GSDMA: variants seen among roughly 807,000 people sequenced by gnomAD.
The protein encoded by GSDMA is gasdermin A.
A neutral mutation model predicts 54.3 loss-of-function variants in GSDMA; 55 were observed. That is an observed-to-expected ratio of 1.01 (90% CI 0.82 to 1.27). GSDMA has a LOEUF of 1.27. Among genes scored for constraint, GSDMA ranks in the 50% most tolerant of loss-of-function variants. The pLI is 0.00. For missense variants in GSDMA, 542 were observed against 542.6 expected, an observed-to-expected ratio of 1.00 and a Z score of 0.01; for synonymous variants, 211 against 224.7, an observed-to-expected ratio of 0.94 and a Z score of 0.54.
intron 4 of GSDMA, 53 bp downstream of exon 4, chr17:39,970,700 CACACAT>C (rs1450830258): frequency 1.2e-5 from 16 of 1,337,280 alleles, no homozygotes; most frequent in Non-Finnish European, 1.5e-5. Context: ...CACTCACACT[CACACAT>C]ACACATTTAC....
At chr17:39,972,455 G>A (rs1367057479) in intron 6 of GSDMA, 132 bp from the exon 7 acceptor site, 1 of 828,250 alleles carries the variant, frequency 1.2e-6, no homozygotes, top group Non-Finnish European at 2.0e-6. Flanking sequence ...CCGAATCATG[G>A]GGGTGGATGA....
chr17:39,969,597 A>G (rs981512259), intron 3 of GSDMA, among the ~76,000 whole-genome samples: 2 of 152,180 alleles, frequency 1.3e-5, no homozygotes, highest in African/African-American at 4.8e-5. Flanking sequence ...CCACAGCAGG[A>G]TCGAGTATTG....
Position 39,977,132 on chromosome 17 carries a change from G to C in GSDMA, c.*74G>C. The C allele has an allele frequency of 6.5e-7, 1 of 1,534,746 alleles. No individual in the cohort carries two copies. On this transcript the variant is annotated 3_prime_UTR_variant, in exon 12 of 12. Transcript: ENST00000301659. ...GTGGTGCTGTGTCCTTACCACCTAA[G>C]GGCATTTCAGAGCCATCAGCTGAAG...
intron 3 of GSDMA, among the ~76,000 whole-genome samples, chr17:39,967,031 G>A (rs1370581110): frequency 6.6e-6 from 1 of 152,194 alleles, no homozygotes; most frequent in African/African-American, 2.4e-5. Context: ...CTTTTAAGTA[G>A]TTAAGTAGTG....
At chr17:39,974,584 G>A (rs745700464) in intron 9 of GSDMA, among the ~76,000 whole-genome samples, 157 bp downstream of exon 9, 23 of 152,268 alleles carry the variant, frequency 1.5e-4, no homozygotes, top group Admixed American at 2.6e-4. Context: ...GGCTGGCCAC[G>A]TGCCCCAAGG....
In GSDMA at chr17:39,975,010, A is replaced by G; in HGVS notation, c.1017A>G (p.Leu339=). 1.3e-6 allele frequency: 2 copies of G among 1,592,504 alleles called. No individual in the cohort carries two copies. The highest frequency in any genetic ancestry group is 1.7e-6 in the Non-Finnish European group (2 of 1,161,394). The part of the protein sequence containing the change: ...VGAILYFVGA[L]TELSEAQQKL... ...CCATCCTCTATTTCGTTGGAGCCCT[A>G]ACAGGTAAGTGGGGAATAAGGTCTT... Residue 339 remains leucine, a synonymous_variant, in exon 10 of 12, where the codon CTA becomes CTG. Coordinates refer to ENST00000301659, the MANE Select transcript of GSDMA (RefSeq NM_178171.5).
At chr17:39,973,125 C>T (rs1980036424) in intron 7 of GSDMA, among the ~76,000 whole-genome samples, 1 of 152,132 alleles carries the variant, frequency 6.6e-6, no homozygotes, top group African/African-American at 2.4e-5. Context: ...GCACCCGCCA[C>T]CATGCCCTGC....
At chr17:39,970,348 G>A in intron 3 of GSDMA, 134 bp from the exon 4 acceptor site, 1 of 744,226 alleles carries the variant, frequency 1.3e-6, no homozygotes. Flanking sequence ...TTCAACCTCA[G>A]CCCTAGTCCA....
Position 39,974,400 on chromosome 17 carries a change from A to G in GSDMA, c.879A>G (p.Lys293=). 1.3e-6 allele frequency: 2 copies of G among 1,589,902 alleles called. No individual in the cohort carries two copies. The highest frequency in any genetic ancestry group is 1.3e-5 in the African/African-American group (1 of 74,448). The change falls in exon 9 of 12, where the codon AAA becomes AAG. Residue 293 remains lysine, a synonymous_variant. Coordinates refer to ENST00000301659, the MANE Select transcript of GSDMA (RefSeq NM_178171.5). Reference sequence around the variant, plus strand: ...CCCTCAGCAAACTTCTAGGGAAGAAAAAGGAGCTACAAGACCTTGAGCTCG... The same window carrying G: ...CCCTCAGCAAACTTCTAGGGAAGAAGAAGGAGCTACAAGACCTTGAGCTCG... ...LSSLSKLLGK[K]KELQDLELAL...
Position 39,977,288 on chromosome 17 carries a change from T to C in GSDMA, c.*230T>C. 8.9e-6 allele frequency: 1 copy of C among 112,554 alleles called. No homozygotes were observed. Among genetic ancestry groups the C allele is most frequent in the Non-Finnish European group, 1.6e-5 (1 of 61,726 alleles). The allele number at this position is 112,554 out of a possible 1,614,324, so 7.0% of individuals were successfully genotyped here. On this transcript the variant is annotated 3_prime_UTR_variant, in exon 12 of 12. Coordinates refer to ENST00000301659, the MANE Select transcript of GSDMA (RefSeq NM_178171.5). ...GATGCTTAAATTTTCTTTACTTTTC[T>C]TTTCTTTTTTTTTTTTTTTTTGAGA...
intron 7 of GSDMA, among the ~76,000 whole-genome samples, 170 bp from the exon 8 acceptor site, chr17:39,973,640 A>G (rs893897989): frequency 6.6e-6 from 1 of 152,104 alleles, no homozygotes; most frequent in Non-Finnish European, 1.5e-5. Context: ...CCGCCCAGCA[A>G]CTGGGGCCAG....
At chr17:39,976,147 C>A in intron 11 of GSDMA, 150 bp downstream of exon 11, 1 of 551,780 alleles carries the variant, frequency 1.8e-6, no homozygotes, top group Non-Finnish European at 3.2e-6. Context: ...CTCTATTTCT[C>A]ATTTTTTGTT....
intron 3 of GSDMA, 71 bp downstream of exon 3, chr17:39,966,508 C>T: frequency 7.3e-7 from 1 of 1,370,772 alleles, no homozygotes; most frequent in Non-Finnish European, 1.0e-6. Context: ...TGCTTGGGGC[C>T]TTGAGCTGAA....
intron 5 of GSDMA, 48 bp from the exon 6 acceptor site, chr17:39,972,081 G>A (rs775123202): frequency 7.7e-7 from 1 of 1,303,676 alleles, no homozygotes; most frequent in South Asian, 1.3e-5. Context: ...AGGGAATGTG[G>A]GGCAGCTGCT....
chr17:39,972,300 C>T, intron 6 of GSDMA, 124 bp downstream of exon 6: 1 of 736,490 alleles, frequency 1.4e-6, no homozygotes, highest in Admixed American at 2.4e-5. Flanking sequence ...TTTTGTTTCC[C>T]AAGTCCCTAA....
intron 1 of GSDMA, among the ~76,000 whole-genome samples, chr17:39,964,984 C>T (rs1797071715): frequency 6.6e-6 from 1 of 151,704 alleles, no homozygotes; most frequent in South Asian, 2.1e-4. Context: ...AAAAATTAGC[C>T]AAGTGCATGA....
chr17:39,972,706 A>C, intron 7 of GSDMA, 93 bp downstream of exon 7: 1 of 1,095,530 alleles, frequency 9.1e-7, no homozygotes, highest in Non-Finnish European at 1.4e-6. Context: ...CTGACAGGGA[A>C]ATAGCAGAGC....
chr17:39,972,115 CTT>C lies in GSDMA; in HGVS notation c.656-13_656-12del. The C allele has an allele frequency of 6.8e-7, 1 of 1,461,888 alleles. No homozygotes were observed. The highest frequency in any genetic ancestry group is 9.5e-7 in the Non-Finnish European group (1 of 1,049,964). 90.6% of individuals were successfully genotyped at this position (1,461,888 alleles called of 1,614,324 possible). On this transcript the variant is annotated splice_polypyrimidine_tract_variant and intron_variant, in intron 5 of 11. Transcript: ENST00000301659. Reference sequence around the variant, plus strand: ...CTAAGTGTCCTCCCACCCTCCCTCCCTTGCCCTTCACAGATATTCCACATATC... The same window carrying C: ...CTAAGTGTCCTCCCACCCTCCCTCCCGCCCTTCACAGATATTCCACATATC...
In GSDMA at chr17:39,965,797, G is replaced by A; in HGVS notation, c.110G>A (p.Cys37Tyr). Residue 37 changes from cysteine (C) to tyrosine (Y), a missense_variant, in exon 2 of 12, where the codon TGC becomes TAC. By Grantham distance (194) the Cys-to-Tyr change is radical (BLOSUM62 -2). Transcript: ENST00000301659. ...LIDFKRFHPF[C>Y]LVLRKRKSTL... ...GACTTCAAGCGCTTCCATCCCTTCT[G>A]CCTGGTGCTGAGGAAGAGGAAGAGC... The A allele has an allele frequency of 1.9e-6, 3 of 1,604,564 alleles. No individual in the cohort carries two copies. The highest frequency in any genetic ancestry group is 1.1e-5 in the South Asian group (1 of 89,276).
Sources: gnomAD v4.1 joint callset for allele counts (sites outside exome capture counted in the v4.1 genomes callset) on GRCh38, gnomAD v4.1.1 for gene constraint, MANE v1.5 for transcripts, NCBI Gene and HGNC (gene_info 2026-07-23, HGNC 2026-07-21) for gene names.